Variants in STRN3 observed in about 807,000 individuals in gnomAD.
STRN3 encodes striatin-3.
In STRN3, 29 loss-of-function variants were observed where a neutral mutation model predicts 95.6. The observed-to-expected ratio is 0.30, with a 90% CI of 0.23 to 0.41. The LOEUF is 0.41. Among genes scored for constraint, STRN3 ranks in the 10% least tolerant of loss-of-function variants. The pLI, the probability that STRN3 is intolerant of heterozygous loss-of-function variation, is 1.00. For synonymous variants in STRN3, 331 were observed against 357.6 expected (o/e 0.93, Z 0.84); for missense variants, 890 against 972.1 (o/e 0.92, Z 1.12).
chr14:30,980,556 C>T (rs998999608), intron 1 of STRN3, among the ~76,000 whole-genome samples: 18 of 151,822 alleles, frequency 1.2e-4, no homozygotes, highest in Non-Finnish European at 2.4e-4. Flanking sequence ...TACAGGCACC[C>T]GCCACCACGC....
At chr14:30,895,617 A>C (rs751444115) in intron 17 of STRN3, 37 bp from the exon 18 acceptor site, 15 of 1,610,400 alleles carry the variant, frequency 9.3e-6, no homozygotes, top group African/African-American at 2.7e-5. Context: ...ACTGAGTAAC[A>C]ATCTTTTATA....
intron 1 of STRN3, among the ~76,000 whole-genome samples, chr14:30,984,345 A>G (rs1594539649): frequency 6.6e-6 from 1 of 150,958 alleles, no homozygotes; most frequent in East Asian, 2.0e-4. Flanking sequence ...CAGAGACTGC[A>G]GTGAGCTGAG....
Position 31,025,918 on chromosome 14 carries a change from G to T in STRN3, c.268C>A (p.Arg90=). The stretch of plus-strand genomic sequence containing the variant: ...CAACGAGGTACCTGCAGTTCGGCCC[G>T]TTCCACCTCCCAGTGCGCCCGCTCC... ...EMERAHWEVE[R]AELQARIAFL... is the part of the protein sequence containing the mutation. The change falls in exon 1 of 18, where the codon CGG becomes AGG. Residue 90 remains arginine, a synonymous_variant. Transcript: ENST00000357479. 6.2e-7 allele frequency: 1 copy of T among 1,601,150 alleles called. No homozygotes were observed. The highest frequency in any genetic ancestry group is 1.1e-5 in the South Asian group (1 of 89,358).
rs1244172707 is a variant in STRN3 at position 31,025,897 on chromosome 14, G to A, written c.282+7C>T. ...GCAGCTCCCGCACACCGACCCCAAC[G>A]AGGTACCTGCAGTTCGGCCCGTTCC... On this transcript the variant is annotated splice_region_variant and intron_variant, in intron 1 of 17. Coordinates refer to ENST00000357479, the MANE Select transcript of STRN3 (RefSeq NM_001083893.2). 8 of 1,598,674 alleles carry A rather than the reference G, an allele frequency of 5.0e-6. No individual in the cohort carries two copies. The highest frequency in any genetic ancestry group is 6.8e-6 in the Non-Finnish European group (8 of 1,173,426).
intron 13 of STRN3, 26 bp downstream of exon 13, chr14:30,911,015 A>G: frequency 6.2e-7 from 1 of 1,610,062 alleles, no homozygotes; most frequent in Non-Finnish European, 8.5e-7. Flanking sequence ...CACTTAAAAA[A>G]AATACATTTT....
intron 1 of STRN3, among the ~76,000 whole-genome samples, chr14:31,011,880 G>A (rs1470161876): frequency 6.6e-6 from 1 of 152,140 alleles, no homozygotes; most frequent in Non-Finnish European, 1.5e-5. Flanking sequence ...AGGAGTCGGA[G>A]ACCAGCCTGA....
intron 1 of STRN3, among the ~76,000 whole-genome samples, chr14:31,013,609 T>G (rs1433291121): frequency 2.0e-5 from 3 of 151,766 alleles, no homozygotes; most frequent in Non-Finnish European, 4.4e-5. Context: ...AAAATATAAT[T>G]TTTTTTAAAG....
rs972451788 is a variant in STRN3, at chr14:30,966,219, C to T, written c.283-9977G>A. ...GGAACAACACGGCAGCAAAGGGTCA[C>T]GTGCATCAGGGATAAGAACCCCTTC... On this transcript the variant is annotated intron_variant, in intron 1 of 17. Transcript: ENST00000357479. 1.2e-4 allele frequency among the ~76,000 whole-genome samples: 18 copies of T among 152,002 alleles called. No individual in the cohort carries two copies. The Middle Eastern group carries it at 0.01, about 86-fold the overall frequency.
chr14:31,003,194 G>A (rs1249269352), intron 1 of STRN3, among the ~76,000 whole-genome samples: 18 of 150,812 alleles, frequency 1.2e-4, no homozygotes, highest in East Asian at 3.9e-4. Context: ...CCCAGGAGGC[G>A]GAGGTTGCAG....
At chr14:31,002,410 G>T (rs1329586322) in intron 1 of STRN3, among the ~76,000 whole-genome samples, 1 of 147,312 alleles carries the variant, frequency 6.8e-6, no homozygotes, top group African/African-American at 2.5e-5. Context: ...GGTGGAGGTT[G>T]CAGTGAGTCA....
intron 1 of STRN3, among the ~76,000 whole-genome samples, chr14:30,985,977 T>C (rs1881670709): frequency 6.6e-6 from 1 of 152,176 alleles, no homozygotes; most frequent in Admixed American, 6.6e-5. Flanking sequence ...CTTGTGTGCA[T>C]GCGCTTTCTC....
At chr14:30,922,881 A>G (rs1463312777) in intron 8 of STRN3, among the ~76,000 whole-genome samples, 3 of 152,160 alleles carry the variant, frequency 2.0e-5, no homozygotes, top group Non-Finnish European at 2.9e-5. Flanking sequence ...AATCTGATAC[A>G]TTCTGATCCT....
chr14:31,017,399 TGAGGCAGGAGAATGGCGTGAACCCAG>T (rs1883290025), intron 1 of STRN3, among the ~76,000 whole-genome samples: 1 of 82,148 alleles, frequency 1.2e-5, no homozygotes, highest in African/African-American at 3.8e-5. Context: ...CTAGGGAGGC[TGAGGCAGGAGAATGGCGTGAACCCAG>T]GAGGCAGAGC....
At chr14:30,960,183 C>CT (rs1355328304) in intron 1 of STRN3, among the ~76,000 whole-genome samples, 1 of 152,032 alleles carries the variant, frequency 6.6e-6, no homozygotes, top group African/African-American at 2.4e-5. Context: ...TGGCAAAACT[C>CT]TATCTCTACA....
rs370897736 is a variant in STRN3 at position 30,963,183 on chromosome 14, G to A, written c.283-6941C>T. 2.0e-5 allele frequency among the ~76,000 whole-genome samples: 3 copies of A among 152,222 alleles called. No homozygotes were observed. In the East Asian group the frequency reaches 5.8e-4, roughly 29 times the overall value. On this transcript the variant is annotated intron_variant, in intron 1 of 17. Coordinates refer to ENST00000357479, the MANE Select transcript of STRN3 (RefSeq NM_001083893.2). ...GAAGCAAAACTGACAGAACAGAACG[G>A]AGAACAGACAACAGTAGTTGGAGAT...
intron 1 of STRN3, among the ~76,000 whole-genome samples, chr14:30,970,522 T>C (rs1880775275): frequency 6.6e-6 from 1 of 152,282 alleles, no homozygotes; most frequent in Middle Eastern, 3.4e-3. Context: ...CCCCCAAAGT[T>C]CTTCCCTTTT....
In STRN3 at chr14:31,026,367, C is replaced by T. The variant is rs1181514253; in HGVS notation, c.-182G>A. On this transcript the variant is annotated 5_prime_UTR_variant, in exon 1 of 18. Transcript: ENST00000357479. ...AGCTGCCGGCTGCCGCCATTACAATCCCTCCTCCATCTGCCCGTCTCACTC... is the reference window on the plus strand; with the variant it reads ...AGCTGCCGGCTGCCGCCATTACAATTCCTCCTCCATCTGCCCGTCTCACTC... 7.7e-6 allele frequency: 4 copies of T among 520,202 alleles called. No homozygotes were observed. The highest frequency in any genetic ancestry group is 4.2e-5 in the South Asian group (1 of 23,778). 32.2% of individuals were successfully genotyped at this position (520,202 alleles called of 1,614,324 possible).
intron 1 of STRN3, among the ~76,000 whole-genome samples, chr14:31,017,703 T>C (rs922312952): frequency 6.6e-6 from 1 of 152,076 alleles, no homozygotes; most frequent in Non-Finnish European, 1.5e-5. Context: ...GGAGACTACT[T>C]GTACTTTCTG....
At chr14:30,984,137 A>ACCCCCCCCCCCCCCCC (rs1555324188) in intron 1 of STRN3, among the ~76,000 whole-genome samples, 1 of 56,142 alleles carries the variant, frequency 1.8e-5, no homozygotes, top group Non-Finnish European at 3.7e-5. Flanking sequence ...GCCCCCCCCA[A>ACCCCCCCCCCCCCCCC]CCCCCCCCCA....
Sources: allele counts gnomAD v4.1 joint callset (sites outside exome capture counted in the v4.1 genomes callset), GRCh38; gene constraint gnomAD v4.1.1; transcripts MANE v1.5; gene names NCBI Gene and HGNC (gene_info 2026-07-23, HGNC 2026-07-21).